The following ADAM12 variants were observed in gnomAD, a reference collection of about 807,000 sequenced individuals.
The protein encoded by ADAM12 is disintegrin and metalloproteinase domain-containing protein 12.
ADAM12 carries 70 observed loss-of-function variants against 106.4 expected under a neutral mutation model. That is an observed-to-expected ratio of 0.66 (90% CI 0.54 to 0.80). The LOEUF (loss-of-function observed/expected upper bound fraction) is 0.80. Ranked by LOEUF, ADAM12 falls within the 30% of genes least tolerant of loss-of-function variation. ADAM12 has a pLI of 0.00. For missense variants in ADAM12, 1,010 were observed against 1,171.9 expected, an observed-to-expected ratio of 0.86 and a Z score of 2.02; for synonymous variants, 420 against 433.5, an observed-to-expected ratio of 0.97 and a Z score of 0.39.
chr10:126,189,382 G>A (rs1957456544), intron 3 of ADAM12, among the ~76,000 whole-genome samples: 1 of 152,124 alleles, frequency 6.6e-6, no homozygotes, highest in Admixed American at 6.5e-5. Flanking sequence ...GGACCAGTTG[G>A]GGCCAGAATG....
chr10:126,175,683 C>T (rs749637930), intron 3 of ADAM12, among the ~76,000 whole-genome samples: 2 of 152,174 alleles, frequency 1.3e-5, no homozygotes, highest in Non-Finnish European at 2.9e-5. Context: ...ATGTGGGTGC[C>T]ACGTAAGTGT....
At chr10:126,020,830 A>G (rs1590293199) in intron 21 of ADAM12, among the ~76,000 whole-genome samples, 1 of 151,998 alleles carries the variant, frequency 6.6e-6, no homozygotes, top group African/African-American at 2.4e-5. Flanking sequence ...GTCTCTACTA[A>G]AAATACCAAA....
intron 5 of ADAM12, among the ~76,000 whole-genome samples, chr10:126,131,913 G>A (rs940172993): frequency 6.6e-6 from 1 of 151,880 alleles, no homozygotes; most frequent in African/African-American, 2.4e-5. Context: ...GCCATGCCTA[G>A]ATTTTTCAGT....
chr10:126,146,357 CAAT>C (rs1386489137), intron 4 of ADAM12, among the ~76,000 whole-genome samples: 1 of 152,124 alleles, frequency 6.6e-6, no homozygotes, highest in Non-Finnish European at 1.5e-5. Flanking sequence ...AATCCATTCT[CAAT>C]GATGTTTTAA....
chr10:126,038,630 A>G (rs1487100999), intron 19 of ADAM12, among the ~76,000 whole-genome samples: 2 of 152,258 alleles, frequency 1.3e-5, no homozygotes, highest in Non-Finnish European at 2.9e-5. Context: ...CATTTCAGCG[A>G]TAATGTCTTT....
At chr10:126,050,884 T>C (rs1412734013) in intron 14 of ADAM12, among the ~76,000 whole-genome samples, 1 of 152,180 alleles carries the variant, frequency 6.6e-6, no homozygotes, top group Non-Finnish European at 1.5e-5. Context: ...TTATAAGCCA[T>C]GTTAGAGAAG....
intron 2 of ADAM12, among the ~76,000 whole-genome samples, chr10:126,286,856 T>G (rs955304555): frequency 2.0e-5 from 3 of 152,240 alleles, no homozygotes; most frequent in African/African-American, 7.2e-5. Context: ...TAAAATGCTA[T>G]GTACAGGATG....
intron 1 of ADAM12, among the ~76,000 whole-genome samples, chr10:126,352,385 A>C (rs1182874937): frequency 1.3e-5 from 2 of 152,230 alleles, no homozygotes; most frequent in Non-Finnish European, 1.5e-5. Context: ...TTCCTTCTTA[A>C]ACAAATTTAA....
chr10:126,240,491 TGAG>T (rs925066461), intron 3 of ADAM12, among the ~76,000 whole-genome samples: 3 of 152,214 alleles, frequency 2.0e-5, no homozygotes, highest in Non-Finnish European at 4.4e-5. Flanking sequence ...GAATCATAAA[TGAG>T]GAGATGCAGT....
intron 3 of ADAM12, among the ~76,000 whole-genome samples, chr10:126,183,318 C>G (rs1008333450): frequency 6.6e-6 from 1 of 152,218 alleles, no homozygotes; most frequent in Non-Finnish European, 1.5e-5. Flanking sequence ...ACCACCCCCT[C>G]AACCCCATTC....
chr10:126,381,499 TA>T (rs914861944), intron 1 of ADAM12, among the ~76,000 whole-genome samples: 20 of 151,342 alleles, frequency 1.3e-4, no homozygotes, highest in Non-Finnish European at 2.1e-4. Context: ...TTATATTTTT[TA>T]AAAAAAAACT....
chr10:126,291,135 T>G (rs947344210), intron 2 of ADAM12, among the ~76,000 whole-genome samples: 65 of 152,236 alleles, frequency 4.3e-4, no homozygotes, highest in African/African-American at 1.5e-3. Flanking sequence ...ACTAATTTGA[T>G]GTCTGGAAAC....
chr10:126,374,008 G>T (rs1405813139), intron 1 of ADAM12, among the ~76,000 whole-genome samples: 3 of 152,182 alleles, frequency 2.0e-5, no homozygotes. Flanking sequence ...CAAGTCACCA[G>T]GGCTAGAAAA....
chr10:126,316,990 G>T (rs1157985708), intron 2 of ADAM12, among the ~76,000 whole-genome samples: 1 of 152,138 alleles, frequency 6.6e-6, no homozygotes. Context: ...ATGATAAGCT[G>T]TAATATTAAT....
At chr10:126,174,386 G>A (rs1468403075) in intron 3 of ADAM12, among the ~76,000 whole-genome samples, 1 of 152,070 alleles carries the variant, frequency 6.6e-6, no homozygotes, top group Non-Finnish European at 1.5e-5. Flanking sequence ...GCAGTTCCTC[G>A]CTTCTCAGCC....
intron 3 of ADAM12, among the ~76,000 whole-genome samples, chr10:126,179,090 C>T (rs931522124): frequency 5.9e-5 from 9 of 151,948 alleles, no homozygotes; most frequent in Admixed American, 1.3e-4. Flanking sequence ...AAAATATCCA[C>T]TCAAGCACTC....
intron 3 of ADAM12, among the ~76,000 whole-genome samples, chr10:126,259,474 T>C (rs1958957185): frequency 6.6e-6 from 1 of 152,242 alleles, no homozygotes; most frequent in African/African-American, 2.4e-5. Flanking sequence ...TCACATGCTT[T>C]CTTACTAACA....
chr10:126,085,423 ACT>A (rs1955318598), intron 11 of ADAM12, among the ~76,000 whole-genome samples: 1 of 152,032 alleles, frequency 6.6e-6, no homozygotes. Flanking sequence ...AGAAAACCTC[ACT>A]CTGCACTTAT....
At chr10:126,017,488 C>G (rs1953681456) in intron 22 of ADAM12, 149 bp from the exon 23 acceptor site, 1 of 698,870 alleles carries the variant, frequency 1.4e-6, no homozygotes, top group South Asian at 2.7e-5. Context: ...GGTGGGAAAC[C>G]TGTCTCCAAA....
Sources: gnomAD v4.1 joint callset for allele counts (sites outside exome capture counted in the v4.1 genomes callset) on GRCh38, gnomAD v4.1.1 for gene constraint, MANE v1.5 for transcripts, NCBI Gene and HGNC (gene_info 2026-07-23, HGNC 2026-07-21) for gene names.